ADAM32: variants seen among roughly 807,000 people sequenced by gnomAD.
ADAM32 encodes ADAM metallopeptidase domain 32, also known as disintegrin and metalloproteinase domain-containing protein 32.
A neutral mutation model predicts 114.9 loss-of-function variants in ADAM32; 89 were observed. The observed-to-expected ratio is 0.77, with a 90% CI of 0.65 to 0.92. The LOEUF (loss-of-function observed/expected upper bound fraction) is 0.92. ADAM32 is among the 40% of genes least tolerant of loss of function. ADAM32 has a pLI of 0.00. For missense variants in ADAM32, 870 were observed against 932.8 expected (o/e 0.93, Z 0.88); for synonymous variants, 285 against 307.5 (o/e 0.93, Z 0.77).
chr8:39,202,924 C>T (rs1266763817), intron 11 of ADAM32, among the ~76,000 whole-genome samples: 1 of 85,970 alleles, frequency 1.2e-5, no homozygotes, highest in African/African-American at 4.3e-5. Flanking sequence ...TGTTCAGTTT[C>T]CATGTAGTTG....
chr8:39,164,721 A>C (rs1248255656), intron 7 of ADAM32, 43 bp from the exon 8 acceptor site: 10 of 1,426,936 alleles, frequency 7.0e-6, no homozygotes, highest in Non-Finnish European at 8.7e-6. Context: ...AAAATACTAC[A>C]TAATAATTTG....
chr8:39,239,940 T>C (rs1174422301), intron 16 of ADAM32, among the ~76,000 whole-genome samples: 3 of 152,172 alleles, frequency 2.0e-5, no homozygotes, highest in Admixed American at 2.0e-4. Context: ...CAATTCTTGA[T>C]AGACGTAAGA....
chr8:39,123,767 C>T (rs994882534), intron 2 of ADAM32, among the ~76,000 whole-genome samples: 12 of 143,304 alleles, frequency 8.4e-5, no homozygotes, highest in South Asian at 4.3e-4. Context: ...AGTGCAGTGG[C>T]GCGATCTTGG....
chr8:39,192,379 C>T (rs1055421522), intron 11 of ADAM32, among the ~76,000 whole-genome samples: 2 of 152,098 alleles, frequency 1.3e-5, no homozygotes, highest in South Asian at 2.1e-4. Context: ...GATTTTTCTC[C>T]ATTCTTTTAT....
intron 21 of ADAM32, among the ~76,000 whole-genome samples, chr8:39,274,770 G>A (rs887213634): frequency 2.0e-5 from 3 of 152,196 alleles, no homozygotes; most frequent in Non-Finnish European, 4.4e-5. Flanking sequence ...GCCTAGTGAT[G>A]TTGTAGCCAT....
chr8:39,224,892 G>A (rs1809245242), intron 14 of ADAM32, among the ~76,000 whole-genome samples: 1 of 152,164 alleles, frequency 6.6e-6, no homozygotes, highest in Admixed American at 6.5e-5. Context: ...CTGTAAAGAA[G>A]GATTGCTGAT....
chr8:39,188,059 A>G (rs189383778), intron 11 of ADAM32, among the ~76,000 whole-genome samples: 26 of 151,150 alleles, frequency 1.7e-4, no homozygotes, highest in Non-Finnish European at 2.1e-4. Context: ...CAAAGGTCAA[A>G]AGTGAAAATA....
At chr8:39,234,731 T>C (rs990952577) in intron 16 of ADAM32, among the ~76,000 whole-genome samples, 2 of 152,220 alleles carry the variant, frequency 1.3e-5, no homozygotes, top group African/African-American at 2.4e-5. Context: ...CTGGAGAAGA[T>C]AGAGCAAATA....
chr8:39,197,361 C>T (rs1807079633), intron 11 of ADAM32, among the ~76,000 whole-genome samples: 2 of 151,590 alleles, frequency 1.3e-5, no homozygotes, highest in South Asian at 4.2e-4. Flanking sequence ...TTTTTTTCTA[C>T]TAATTTTGGG....
intron 19 of ADAM32, among the ~76,000 whole-genome samples, chr8:39,268,467 G>C (rs1305112137): frequency 1.3e-5 from 2 of 152,048 alleles, no homozygotes; most frequent in Non-Finnish European, 2.9e-5. Flanking sequence ...TTTGAAATGG[G>C]TTTGTTGTAT....
chr8:39,276,466 A>G (rs1262036418), intron 22 of ADAM32, among the ~76,000 whole-genome samples: 1 of 152,142 alleles, frequency 6.6e-6, no homozygotes, highest in Non-Finnish European at 1.5e-5. Context: ...TTCTGCAGAT[A>G]TAAAATGCTT....
chr8:39,221,687 C>T lies in ADAM32; in HGVS notation c.1311C>T (p.Cys437=). Residue 437 remains cysteine (C), a synonymous_variant, in exon 13 of 25, where the codon TGC becomes TGT. Coordinates refer to ENST00000379907, the MANE Select transcript of ADAM32 (RefSeq NM_145004.7). ...KDGAKCYKGL[C]CKDCQILQSG... is the part of the protein sequence containing the mutation. ...GAGCAAAATGTTATAAAGGACTGTG[C>T]TGCAAAGACTGTCAAGTAAGATTTA... The T allele has an allele frequency of 6.2e-7, 1 of 1,610,164 alleles. No homozygotes were observed. Among genetic ancestry groups the T allele is most frequent in the South Asian group, 1.1e-5 (1 of 90,626 alleles).
intron 17 of ADAM32, among the ~76,000 whole-genome samples, chr8:39,250,088 A>G (rs1407725806): frequency 6.6e-6 from 1 of 151,950 alleles, no homozygotes; most frequent in Non-Finnish European, 1.5e-5. Flanking sequence ...TTTTTGTGGT[A>G]GGGGTTGCTT....
chr8:39,146,970 C>A (rs1235514302), intron 3 of ADAM32, among the ~76,000 whole-genome samples, 160 bp from the exon 4 acceptor site: 1 of 152,110 alleles, frequency 6.6e-6, no homozygotes, highest in Non-Finnish European at 1.5e-5. Flanking sequence ...TGAAAAGAGC[C>A]ATGACAATAT....
chr8:39,246,039 A>C (rs768110656), intron 16 of ADAM32, 44 bp from the exon 17 acceptor site: 2 of 1,396,454 alleles, frequency 1.4e-6, no homozygotes, highest in Non-Finnish European at 2.0e-6. Context: ...TGATGACTGT[A>C]CCCCTCTGAC....
intron 11 of ADAM32, among the ~76,000 whole-genome samples, chr8:39,199,260 A>T (rs1807217862): frequency 6.6e-6 from 1 of 152,168 alleles, no homozygotes; most frequent in Non-Finnish European, 1.5e-5. Context: ...TCTCTTGCAA[A>T]ACTTTGGAGA....
intron 2 of ADAM32, among the ~76,000 whole-genome samples, chr8:39,131,025 C>T (rs368664528): frequency 2.1e-5 from 3 of 143,394 alleles, no homozygotes; most frequent in East Asian, 2.0e-4. Flanking sequence ...GGCGTGATCT[C>T]GGCTCACTGC....
At chr8:39,272,022 C>T (rs1393827283) in intron 20 of ADAM32, among the ~76,000 whole-genome samples, 1 of 136,792 alleles carries the variant, frequency 7.3e-6, no homozygotes, top group Non-Finnish European at 1.5e-5. Context: ...GTCTCAGCTA[C>T]TTGGGAGGCT....
At chr8:39,200,094 G>T (rs916555814) in intron 11 of ADAM32, among the ~76,000 whole-genome samples, 1 of 152,172 alleles carries the variant, frequency 6.6e-6, no homozygotes, top group African/African-American at 2.4e-5. Context: ...GTGTGCATGT[G>T]TCTTTATAGC....
Sources: allele counts gnomAD v4.1 joint callset (sites outside exome capture counted in the v4.1 genomes callset), GRCh38; gene constraint gnomAD v4.1.1; transcripts MANE v1.5; gene names NCBI Gene and HGNC (gene_info 2026-07-23, HGNC 2026-07-21).